The following RABGAP1L variants were observed in gnomAD, a reference collection of about 807,000 sequenced individuals.
RABGAP1L encodes rab GTPase-activating protein 1-like.
Under a neutral mutation model 137.7 loss-of-function variants are expected in RABGAP1L, and 63 were observed. That is an observed-to-expected ratio of 0.46 (90% CI 0.37 to 0.56). RABGAP1L has a LOEUF of 0.56. Ranked by LOEUF, RABGAP1L falls within the 20% of genes least tolerant of loss-of-function variation. The pLI is 0.00. For missense variants in RABGAP1L, 1,095 were observed against 1,244.0 expected (o/e 0.88, Z 1.80); for synonymous variants, 431 against 433.7 (o/e 0.99, Z 0.08).
chr1:174,650,008 A>T (rs1675325568), intron 14 of RABGAP1L, among the ~76,000 whole-genome samples: 1 of 152,170 alleles, frequency 6.6e-6, no homozygotes, highest in African/African-American at 2.4e-5. Flanking sequence ...GATACGTCCC[A>T]TCAATACCTA....
At chr1:174,492,726 C>G (rs1235656330) in intron 13 of RABGAP1L, among the ~76,000 whole-genome samples, 1 of 152,112 alleles carries the variant, frequency 6.6e-6, no homozygotes, top group African/African-American at 2.4e-5. Flanking sequence ...TATTCCTCCT[C>G]TCTTACACAA....
At chr1:174,385,341 A>C (rs978475141) in intron 12 of RABGAP1L, among the ~76,000 whole-genome samples, 1 of 152,200 alleles carries the variant, frequency 6.6e-6, no homozygotes, top group Non-Finnish European at 1.5e-5. Flanking sequence ...CTGTTTACTC[A>C]AATATAGAAG....
intron 18 of RABGAP1L, among the ~76,000 whole-genome samples, chr1:174,804,244 G>T (rs76725053): frequency 1.0e-5 from 1 of 100,220 alleles, no homozygotes; most frequent in African/African-American, 2.8e-5. Context: ...CCCTGCGGAT[G>T]TTTTTTTTTT....
intron 19 of RABGAP1L, among the ~76,000 whole-genome samples, chr1:174,846,094 G>A (rs1358697495): frequency 5.3e-5 from 8 of 151,814 alleles, no homozygotes; most frequent in African/African-American, 7.3e-5. Flanking sequence ...ATTTTTTATT[G>A]TGTCTATTTG....
At chr1:174,180,152 A>G (rs1340256173) in intron 1 of RABGAP1L, among the ~76,000 whole-genome samples, 3 of 152,182 alleles carry the variant, frequency 2.0e-5, no homozygotes, top group Non-Finnish European at 2.9e-5. Context: ...ATAGCTTCCA[A>G]TTCAGATCTA....
At chr1:174,498,861 G>C (rs553081167) in intron 13 of RABGAP1L, among the ~76,000 whole-genome samples, 5,271 of 151,978 alleles carry the variant, frequency 0.035, 120 homozygotes, top group Middle Eastern at 0.088. Context: ...TCCTCAAAAA[G>C]CCAAGAATTG....
intron 11 of RABGAP1L, among the ~76,000 whole-genome samples, chr1:174,314,127 G>A (rs1348762249): frequency 6.6e-6 from 1 of 152,112 alleles, no homozygotes; most frequent in Non-Finnish European, 1.5e-5. Context: ...CAACAGTGAA[G>A]TCATCGGTTC....
intron 13 of RABGAP1L, among the ~76,000 whole-genome samples, chr1:174,423,936 G>T (rs887007123): frequency 1.3e-5 from 2 of 152,016 alleles, no homozygotes; most frequent in Non-Finnish European, 2.9e-5. Context: ...AATATTTTGG[G>T]ATATGTAGGC....
intron 11 of RABGAP1L, among the ~76,000 whole-genome samples, chr1:174,369,173 A>G (rs541347278): frequency 3.7e-4 from 56 of 152,218 alleles, no homozygotes; most frequent in African/African-American, 1.3e-3. Context: ...ACATAGTCTA[A>G]GTTTAACCTG....
chr1:174,711,414 A>G (rs1034816549), intron 17 of RABGAP1L, among the ~76,000 whole-genome samples: 6 of 151,656 alleles, frequency 4.0e-5, no homozygotes, highest in African/African-American at 1.5e-4. Context: ...CGTGGGTGGG[A>G]ACCGAGGCTG....
intron 14 of RABGAP1L, among the ~76,000 whole-genome samples, chr1:174,645,226 A>G (rs1295066634): frequency 1.3e-5 from 2 of 152,108 alleles, no homozygotes; most frequent in South Asian, 2.1e-4. Flanking sequence ...TAAAATTTAG[A>G]TTATGTATTA....
chr1:174,365,148 C>G (rs967140810), intron 11 of RABGAP1L: 4 of 152,266 alleles, frequency 2.6e-5, no homozygotes, highest in African/African-American at 9.7e-5. Flanking sequence ...TGACTTCGTC[C>G]TTTGTTATAT....
intron 9 of RABGAP1L, among the ~76,000 whole-genome samples, chr1:174,277,342 A>G (rs1312978853): frequency 6.6e-6 from 1 of 152,056 alleles, no homozygotes; most frequent in African/African-American, 2.4e-5. Flanking sequence ...AGGAAGCCAC[A>G]AAAATGATAA....
chr1:174,499,804 T>G (rs1309534507), intron 13 of RABGAP1L, among the ~76,000 whole-genome samples: 5 of 152,224 alleles, frequency 3.3e-5, no homozygotes, highest in Non-Finnish European at 7.3e-5. Context: ...AAATCAAATC[T>G]GAAACATATA....
chr1:174,886,071 T>C (rs1655068451), intron 19 of RABGAP1L, among the ~76,000 whole-genome samples: 1 of 147,734 alleles, frequency 6.8e-6, no homozygotes, highest in African/African-American at 2.5e-5. Flanking sequence ...TGGAGTACAA[T>C]GGCATGACCT....
rs1335331153 is a variant in RABGAP1L at position 174,165,488 on chromosome 1, G to T, written c.-34+5831G>T. On this transcript the variant is annotated intron_variant, in intron 1 of 25. Transcript: ENST00000681986. ...AAGGATAAAAGAAGAGGTGACATTTGAACTACTTTTTTTTTTTTTTTTAAT... is the reference window on the plus strand; with the variant it reads ...AAGGATAAAAGAAGAGGTGACATTTTAACTACTTTTTTTTTTTTTTTTAAT... Among the ~76,000 whole-genome samples, 10 of 150,302 alleles carry T rather than the reference G, an allele frequency of 6.7e-5. No homozygotes were observed. In the East Asian group the frequency reaches 2.0e-3, roughly 30 times the overall value.
chr1:174,474,894 C>A (rs1320170149), intron 13 of RABGAP1L, among the ~76,000 whole-genome samples: 1 of 151,850 alleles, frequency 6.6e-6, no homozygotes, highest in Non-Finnish European at 1.5e-5. Flanking sequence ...AGCCACTGCG[C>A]CTGGCCTTCT....
At chr1:174,443,384 T>C (rs1167949189) in intron 13 of RABGAP1L, among the ~76,000 whole-genome samples, 1 of 152,114 alleles carries the variant, frequency 6.6e-6, no homozygotes, top group East Asian at 1.9e-4. Flanking sequence ...CCAGCGTTTG[T>C]TACTTTTTGT....
chr1:174,341,766 A>G (rs908706391), intron 11 of RABGAP1L, among the ~76,000 whole-genome samples: 2 of 152,170 alleles, frequency 1.3e-5, no homozygotes, highest in Non-Finnish European at 2.9e-5. Flanking sequence ...TATGACCTGA[A>G]GATTTGTTTT....
Sources: gnomAD v4.1 joint callset for allele counts (sites outside exome capture counted in the v4.1 genomes callset) on GRCh38, gnomAD v4.1.1 for gene constraint, MANE v1.5 for transcripts, NCBI Gene and HGNC (gene_info 2026-07-23, HGNC 2026-07-21) for gene names.